The following SCFD2 variants were observed in gnomAD, a reference collection of about 807,000 sequenced individuals.
The protein encoded by SCFD2 is sec1 family domain containing 2.
SCFD2 carries 54 observed loss-of-function variants against 58.9 expected under a neutral mutation model. The observed-to-expected ratio is 0.92, with a 90% CI of 0.74 to 1.15. The LOEUF is 1.15. Ranked by LOEUF, SCFD2 falls within the 50% of genes most tolerant of loss-of-function variation. SCFD2 has a pLI of 0.00. For synonymous variants in SCFD2, 321 were observed against 335.9 expected (o/e 0.96, Z 0.49); for missense variants, 805 against 836.6 (o/e 0.96, Z 0.47).
chr4:52,899,786 T>A (rs1200957186), intron 7 of SCFD2, among the ~76,000 whole-genome samples: 1 of 152,218 alleles, frequency 6.6e-6, no homozygotes, highest in African/African-American at 2.4e-5. Context: ...TTCAGGTACA[T>A]CAGTTAGACG....
intron 5 of SCFD2, among the ~76,000 whole-genome samples, chr4:53,072,308 A>C (rs535115848): frequency 6.6e-6 from 1 of 152,234 alleles, no homozygotes; most frequent in East Asian, 1.9e-4. Context: ...TCCTCAGCAG[A>C]ATTTCCCTTT....
chr4:53,127,938 T>A (rs1301095273), intron 5 of SCFD2, among the ~76,000 whole-genome samples: 1 of 150,154 alleles, frequency 6.7e-6, no homozygotes, highest in African/African-American at 2.5e-5. Flanking sequence ...ATAACCCAGT[T>A]TTTTGTTTTT....
At chr4:53,274,538 C>T (rs924990109) in intron 3 of SCFD2, among the ~76,000 whole-genome samples, 4 of 152,164 alleles carry the variant, frequency 2.6e-5, no homozygotes, top group African/African-American at 9.7e-5. Context: ...TCAAGAACTA[C>T]AGTGCAAAAC....
intron 4 of SCFD2, among the ~76,000 whole-genome samples, chr4:53,237,665 C>T (rs1194862215): frequency 1.6e-4 from 22 of 136,546 alleles, no homozygotes; most frequent in Middle Eastern, 4.1e-3. Context: ...ACCTCCCTCC[C>T]GGACGGGGCG....
intron 4 of SCFD2, among the ~76,000 whole-genome samples, chr4:53,255,546 C>T (rs1043903140): frequency 6.6e-6 from 1 of 152,116 alleles, no homozygotes; most frequent in African/African-American, 2.4e-5. Flanking sequence ...CACAGATCAA[C>T]AGGATCCCAA....
At chr4:53,293,937 AT>A (rs1298368703) in intron 3 of SCFD2, among the ~76,000 whole-genome samples, 1 of 136,880 alleles carries the variant, frequency 7.3e-6, no homozygotes, top group Non-Finnish European at 1.5e-5. Context: ...GTGTCCATGT[AT>A]TTTAATTGTT....
intron 4 of SCFD2, among the ~76,000 whole-genome samples, chr4:53,161,954 G>A (rs539475682): frequency 1.4e-4 from 22 of 152,158 alleles, no homozygotes; most frequent in African/African-American, 4.8e-4. Context: ...TATCATCAAG[G>A]GAGCCAATAA....
At chr4:53,289,873 G>T (rs553477853) in intron 3 of SCFD2, among the ~76,000 whole-genome samples, 52 of 152,222 alleles carry the variant, frequency 3.4e-4, no homozygotes, top group African/African-American at 1.1e-3. Context: ...TCAAAAACTG[G>T]TACAAGAGAC....
At chr4:53,133,502 G>C (rs1256196243) in intron 5 of SCFD2, among the ~76,000 whole-genome samples, 2 of 152,106 alleles carry the variant, frequency 1.3e-5, no homozygotes, top group Non-Finnish European at 2.9e-5. Flanking sequence ...TGTGCTAATG[G>C]AGATGAAAGC....
chr4:53,081,943 G>T (rs1267147298), intron 5 of SCFD2, among the ~76,000 whole-genome samples: 2 of 152,024 alleles, frequency 1.3e-5, no homozygotes, highest in African/African-American at 2.4e-5. Context: ...TCATATAAAT[G>T]GAATCATACA....
intron 3 of SCFD2, among the ~76,000 whole-genome samples, chr4:53,286,427 G>C (rs1731671104): frequency 6.6e-6 from 1 of 152,132 alleles, no homozygotes; most frequent in Non-Finnish European, 1.5e-5. Context: ...AGACTTCAGA[G>C]AAACCACAGG....
intron 5 of SCFD2, among the ~76,000 whole-genome samples, chr4:52,951,184 CTT>C (rs1349001382): frequency 6.6e-6 from 1 of 152,160 alleles, no homozygotes; most frequent in Non-Finnish European, 1.5e-5. Context: ...CTCTCCCTCC[CTT>C]CCTTCCTCCC....
chr4:53,290,087 G>A (rs1424954250), intron 3 of SCFD2, among the ~76,000 whole-genome samples: 1 of 152,042 alleles, frequency 6.6e-6, no homozygotes, highest in Non-Finnish European at 1.5e-5. Context: ...AAATTAATAA[G>A]GAAATACTGG....
intron 5 of SCFD2, among the ~76,000 whole-genome samples, chr4:52,928,025 G>A (rs301129): frequency 3.9e-5 from 6 of 152,054 alleles, no homozygotes; most frequent in East Asian, 1.9e-4. Flanking sequence ...CCTAATGTGA[G>A]TTTAAGTTCT....
At chr4:53,120,650 T>C (rs1725453441) in intron 5 of SCFD2, among the ~76,000 whole-genome samples, 1 of 152,106 alleles carries the variant, frequency 6.6e-6, no homozygotes, top group Non-Finnish European at 1.5e-5. Flanking sequence ...AAATAGACAG[T>C]ATCAGGTTAG....
intron 5 of SCFD2, among the ~76,000 whole-genome samples, chr4:52,961,044 C>A (rs1239979656): frequency 6.6e-6 from 1 of 152,150 alleles, no homozygotes; most frequent in East Asian, 1.9e-4. Flanking sequence ...GCAGATCATT[C>A]TGGGCACAGA....
intron 4 of SCFD2, among the ~76,000 whole-genome samples, chr4:53,215,001 C>A (rs915407296): frequency 6.6e-6 from 1 of 152,024 alleles, no homozygotes; most frequent in African/African-American, 2.4e-5. Context: ...TGTTCTGTTC[C>A]ATTGGTCTAT....
At chr4:52,887,232 A>T (rs1718761114) in intron 7 of SCFD2, among the ~76,000 whole-genome samples, 1 of 152,230 alleles carries the variant, frequency 6.6e-6, no homozygotes, top group Non-Finnish European at 1.5e-5. Context: ...TGCTTACAGT[A>T]CAGTACCGAC....
chr4:52,980,010 G>C (rs1577876358), intron 5 of SCFD2, among the ~76,000 whole-genome samples: 2 of 152,250 alleles, frequency 1.3e-5, no homozygotes, highest in East Asian at 1.9e-4. Context: ...AGGTCCAAGG[G>C]GGCACTGTGT....
Sources: allele counts gnomAD v4.1 joint callset (sites outside exome capture counted in the v4.1 genomes callset), GRCh38; gene constraint gnomAD v4.1.1; transcripts MANE v1.5; gene names NCBI Gene and HGNC (gene_info 2026-07-23, HGNC 2026-07-21).